The following SMAP1 variants were observed in gnomAD, a reference collection of about 807,000 sequenced individuals.
The protein encoded by SMAP1 is small ArfGAP 1.
A neutral mutation model predicts 58.5 loss-of-function variants in SMAP1; 24 were observed. That is an observed-to-expected ratio of 0.41 (90% CI 0.30 to 0.58). SMAP1 has a LOEUF of 0.58. SMAP1 is among the 20% of genes least tolerant of loss of function. The probability of loss-of-function intolerance (pLI) is 0.29; values close to 1 mark genes in which losing one functional copy is unlikely to be tolerated. For synonymous variants in SMAP1, 216 were observed against 196.6 expected (o/e 1.10, Z -0.82); for missense variants, 563 against 566.3 (o/e 0.99, Z 0.06).
At chr6:70,722,123 G>A (rs1582061065) in intron 1 of SMAP1, among the ~76,000 whole-genome samples, 1 of 152,154 alleles carries the variant, frequency 6.6e-6, no homozygotes, top group Non-Finnish European at 1.5e-5. Flanking sequence ...AGCTCTACAA[G>A]TACTAATGAA....
At chr6:70,823,879 T>G (rs1467456137) in intron 6 of SMAP1, among the ~76,000 whole-genome samples, 2 of 138,938 alleles carry the variant, frequency 1.4e-5, no homozygotes, top group Non-Finnish European at 3.2e-5. Context: ...AGCCCAAGGG[T>G]TTTTTTTTTT....
intron 1 of SMAP1, among the ~76,000 whole-genome samples, chr6:70,701,615 CTG>C (rs745887244): frequency 4.6e-5 from 7 of 152,288 alleles, no homozygotes; most frequent in Non-Finnish European, 8.8e-5. Context: ...GATTTCTGCC[CTG>C]TGTCGCTTCC....
At chr6:70,771,773 G>C (rs888968874) in intron 3 of SMAP1, among the ~76,000 whole-genome samples, 1 of 152,172 alleles carries the variant, frequency 6.6e-6, no homozygotes, top group Admixed American at 6.6e-5. Flanking sequence ...TGTGCCCACT[G>C]TCTGGTACTC....
intron 2 of SMAP1, among the ~76,000 whole-genome samples, chr6:70,736,836 A>G (rs1765637528): frequency 6.6e-6 from 1 of 152,242 alleles, no homozygotes; most frequent in Admixed American, 6.5e-5. Context: ...CATCAGTGTC[A>G]CATCTCCATT....
At chr6:70,673,772 C>G (rs1427051370) in intron 1 of SMAP1, among the ~76,000 whole-genome samples, 1 of 152,132 alleles carries the variant, frequency 6.6e-6, no homozygotes, top group African/African-American at 2.4e-5. Context: ...GAGGTTTTTC[C>G]TGATTGGGCA....
intron 6 of SMAP1, among the ~76,000 whole-genome samples, chr6:70,803,801 T>G (rs1198591295): frequency 1.3e-5 from 2 of 152,234 alleles, no homozygotes; most frequent in African/African-American, 4.8e-5. Flanking sequence ...ATGTGCAGTT[T>G]TGAATGAGTT....
At chr6:70,682,709 T>C (rs989611112) in intron 1 of SMAP1, among the ~76,000 whole-genome samples, 2 of 152,130 alleles carry the variant, frequency 1.3e-5, no homozygotes, top group African/African-American at 4.8e-5. Context: ...TTGCCAGAAG[T>C]GTTGGGACCA....
At chr6:70,853,392 A>G (rs1198866871) in intron 8 of SMAP1, among the ~76,000 whole-genome samples, 1 of 152,200 alleles carries the variant, frequency 6.6e-6, no homozygotes, top group Non-Finnish European at 1.5e-5. Context: ...ATTCTATCTT[A>G]AGTTTATACT....
At chr6:70,697,617 T>A (rs1767463241) in intron 1 of SMAP1, among the ~76,000 whole-genome samples, 1 of 152,174 alleles carries the variant, frequency 6.6e-6, no homozygotes, top group African/African-American at 2.4e-5. Flanking sequence ...CTTCTTGTCT[T>A]TTTGTGAAGA....
intron 1 of SMAP1, among the ~76,000 whole-genome samples, chr6:70,671,878 G>T (rs1311028780): frequency 6.6e-6 from 1 of 152,154 alleles, no homozygotes; most frequent in African/African-American, 2.4e-5. Flanking sequence ...TGAACATTTG[G>T]TCTGTTTCCA....
At position 70,836,943 on chromosome 6, in the gene SMAP1, G is replaced by A; in HGVS notation, c.579G>A (p.Leu193=). 2 of 1,581,436 alleles carry A rather than the reference G, an allele frequency of 1.3e-6. No homozygotes were observed. The highest frequency in any genetic ancestry group is 1.7e-6 in the Non-Finnish European group (2 of 1,166,500). ...AAATCCAATTATTTACTTTAAAGCT[G>A]CAGAAGAAAGATCAGCAACTGGAGC... ...KPAKPLTAEK[L]QKKDQQLEPK... Residue 193 remains leucine (L), a splice_region_variant and synonymous_variant, in exon 7 of 11, where the codon CTG becomes CTA. Coordinates refer to ENST00000370455, the MANE Select transcript of SMAP1 (RefSeq NM_001044305.3).
At chr6:70,795,542 A>G (rs1466885060) in intron 5 of SMAP1, among the ~76,000 whole-genome samples, 1 of 152,122 alleles carries the variant, frequency 6.6e-6, no homozygotes, top group Non-Finnish European at 1.5e-5. Flanking sequence ...CTTTTTAATA[A>G]GGGTGTGAAT....
chr6:70,787,105 T>C (rs1311626114), intron 4 of SMAP1, among the ~76,000 whole-genome samples: 1 of 152,066 alleles, frequency 6.6e-6, no homozygotes, highest in Non-Finnish European at 1.5e-5. Flanking sequence ...AACAGAAATA[T>C]AGATCAATGG....
chr6:70,805,893 G>T (rs991164641), intron 6 of SMAP1, among the ~76,000 whole-genome samples: 4 of 152,176 alleles, frequency 2.6e-5, no homozygotes, highest in South Asian at 2.1e-4. Context: ...TCCCAGAGGG[G>T]TACCCACCTG....
At chr6:70,810,433 A>G (rs1769337154) in intron 6 of SMAP1, among the ~76,000 whole-genome samples, 1 of 152,222 alleles carries the variant, frequency 6.6e-6, no homozygotes, top group African/African-American at 2.4e-5. Context: ...CACTTAGAAA[A>G]AATGATCACT....
At chr6:70,668,514 A>G (rs1766130094) in intron 1 of SMAP1, 3 of 1,498,298 alleles carry the variant, frequency 2.0e-6, no homozygotes, top group East Asian at 2.5e-5. Context: ...TTGCCCTCCT[A>G]GCTCTGCTCA....
chr6:70,714,815 T>C (rs553769449), intron 1 of SMAP1, among the ~76,000 whole-genome samples: 1 of 152,292 alleles, frequency 6.6e-6, no homozygotes, highest in South Asian at 2.1e-4. Flanking sequence ...ACCTTGGCTT[T>C]TATTGGTTTG....
chr6:70,776,719 A>G (rs1767561886), intron 4 of SMAP1, among the ~76,000 whole-genome samples: 2 of 152,134 alleles, frequency 1.3e-5, no homozygotes, highest in South Asian at 4.1e-4. Context: ...CTTAGCTCAC[A>G]CAGAAGAATG....
intron 1 of SMAP1, among the ~76,000 whole-genome samples, chr6:70,715,409 A>AT (rs1768227349): frequency 6.6e-6 from 1 of 152,158 alleles, no homozygotes; most frequent in African/African-American, 2.4e-5. Context: ...GTTTCTTTGG[A>AT]TTAATCCTAT....
Sources: gnomAD v4.1 joint callset for allele counts (sites outside exome capture counted in the v4.1 genomes callset) on GRCh38, gnomAD v4.1.1 for gene constraint, MANE v1.5 for transcripts, NCBI Gene and HGNC (gene_info 2026-07-23, HGNC 2026-07-21) for gene names.